Variants in EHD2 observed in about 807,000 individuals in gnomAD.
The protein encoded by EHD2 is EH domain-containing protein 2.
A neutral mutation model predicts 41.0 loss-of-function variants in EHD2; 27 were observed. That is an observed-to-expected ratio of 0.66 (90% CI 0.49 to 0.91). EHD2 has a LOEUF of 0.91. Among genes scored for constraint, EHD2 ranks in the 40% least tolerant of loss-of-function variants. EHD2 has a pLI of 0.00. For synonymous variants in EHD2, 342 were observed against 341.0 expected (o/e 1.00, Z -0.03); for missense variants, 673 against 773.9 (o/e 0.87, Z 1.55).
intron 3 of EHD2, among the ~76,000 whole-genome samples, chr19:47,721,346 ACT>A (rs1349272497): frequency 1.3e-5 from 2 of 150,060 alleles, no homozygotes; most frequent in African/African-American, 4.9e-5. Flanking sequence ...ATGGAGTCTT[ACT>A]CTGTCTTCCA....
At chr19:47,713,559 A>G (rs1973595655) in intron 1 of EHD2, 21 bp downstream of exon 1, 1 of 152,278 alleles carries the variant, frequency 6.6e-6, no homozygotes, top group Non-Finnish European at 1.5e-5. Context: ...CCAGCACCGC[A>G]GCTGTCGCCT....
At chr19:47,715,212 C>G (rs1477300290) in intron 1 of EHD2, among the ~76,000 whole-genome samples, 1 of 151,942 alleles carries the variant, frequency 6.6e-6, no homozygotes, top group Non-Finnish European at 1.5e-5. Flanking sequence ...TGTTAACACC[C>G]AACAGCCCTC....
At chr19:47,725,589 G>C (rs8111105) in intron 3 of EHD2, among the ~76,000 whole-genome samples, 2,996 of 152,232 alleles carry the variant, frequency 0.02, 93 homozygotes, top group African/African-American at 0.068. Flanking sequence ...TGGCTTGAGG[G>C]GCTGGGGCCA....
chr19:47,728,086 A>C (rs1973770301), intron 4 of EHD2, among the ~76,000 whole-genome samples: 1 of 122,268 alleles, frequency 8.2e-6, no homozygotes, highest in African/African-American at 3.5e-5. Context: ...ACAGAACGAG[A>C]CTCTGTCTCA....
At chr19:47,730,702 G>A (rs981780989) in intron 4 of EHD2, among the ~76,000 whole-genome samples, 1 of 152,098 alleles carries the variant, frequency 6.6e-6, no homozygotes, top group African/African-American at 2.4e-5. Flanking sequence ...TAAGTCCTTT[G>A]GCTGAAGTGA....
intron 3 of EHD2, among the ~76,000 whole-genome samples, chr19:47,720,435 T>G (rs1223485413): frequency 6.6e-6 from 1 of 152,114 alleles, no homozygotes; most frequent in African/African-American, 2.4e-5. Flanking sequence ...CCTCCCAAAG[T>G]GCTGGGATTA....
rs1168484288 is a variant in EHD2 at position 47,726,009 on chromosome 19, G to C, written c.700G>C (p.Gly234Arg). 1.2e-6 allele frequency: 2 copies of C among 1,605,742 alleles called. No homozygotes were observed. Among genetic ancestry groups the C allele is most frequent in the Admixed American group, 1.7e-5 (1 of 59,036 alleles). Reference protein sequence around the residue: ...VETQQLMRVYGALMWALGKVV... With the variant: ...VETQQLMRVYRALMWALGKVV... Reference sequence around the variant, plus strand: ...GACGCAGCAGCTGATGCGCGTCTACGGCGCGCTCATGTGGGCGCTGGGCAA... The same window carrying C: ...GACGCAGCAGCTGATGCGCGTCTACCGCGCGCTCATGTGGGCGCTGGGCAA... Residue 234 changes from glycine (G) to arginine (R), a missense_variant, in exon 4 of 6, where the codon GGC becomes CGC. By Grantham distance (125) the Gly-to-Arg change is moderately radical. Transcript: ENST00000263277.
intron 3 of EHD2, among the ~76,000 whole-genome samples, chr19:47,725,396 CA>C (rs10676405): frequency 0.13 from 9,941 of 73,940 alleles, 350 homozygotes; most frequent in Non-Finnish European, 0.15. Flanking sequence ...CATCTCTACT[CA>C]AAAAAAAAAA....
At position 47,736,438 on chromosome 19, in the gene EHD2, A is replaced by C. The variant is rs199923224; in HGVS notation, c.985A>C (p.Lys329Gln). ...TGTGTTTGGGAAGGAGAACAAGAAG[A>C]AGCAGCTGATCCTCAAACTGCCCGT... Reference protein sequence around the residue: ...PSVFGKENKKKQLILKLPVIF... With the variant: ...PSVFGKENKKQQLILKLPVIF... The change falls in exon 5 of 6, where the codon AAG (lysine) becomes CAG (glutamine). Residue 329 changes from lysine to glutamine, a missense_variant. Lys to Gln is a moderately conservative substitution (Grantham distance 53). Coordinates refer to ENST00000263277, the MANE Select transcript of EHD2 (RefSeq NM_014601.4). 150 of 1,613,358 alleles carry C rather than the reference A, an allele frequency of 9.3e-5. No individual in the cohort carries two copies. The highest frequency in any genetic ancestry group is 2.3e-4 in the Admixed American group (14 of 59,896).
intron 4 of EHD2, among the ~76,000 whole-genome samples, chr19:47,729,330 G>A (rs1360709071): frequency 6.6e-6 from 1 of 152,130 alleles, no homozygotes; most frequent in African/African-American, 2.4e-5. Flanking sequence ...GCTGTGTCCG[G>A]GAATCTGTGC....
At chr19:47,720,837 T>C (rs978292698) in intron 3 of EHD2, among the ~76,000 whole-genome samples, 3 of 151,906 alleles carry the variant, frequency 2.0e-5, no homozygotes, top group African/African-American at 7.3e-5. Context: ...CTGTGTGGTG[T>C]TGTGTATGTG....
Position 47,725,820 on chromosome 19 carries a change from T to TTC in EHD2, c.512_513dup (p.Pro172SerfsTer59). 6.3e-7 allele frequency: 1 copy of TTC among 1,581,306 alleles called. No individual in the cohort carries two copies. The highest frequency in any genetic ancestry group is 8.6e-7 in the Non-Finnish European group (1 of 1,157,382). The stretch of plus-strand genomic sequence containing the variant: ...CTCCACTCCCACTCCAGGCTACGAC[T>TTC]TCCCGGCCGTGCTGCGCTGGTTCGC... On this transcript the variant is annotated frameshift_variant, in exon 4 of 6. Coordinates refer to ENST00000263277, the MANE Select transcript of EHD2 (RefSeq NM_014601.4). LOFTEE classifies it high-confidence loss of function.
chr19:47,741,462 G>C lies in EHD2; in HGVS notation c.*30G>C. On this transcript the variant is annotated 3_prime_UTR_variant, in exon 6 of 6. Transcript: ENST00000263277. This position sits in a 1 kb window ranked among gnomAD's most constrained non-coding sequence, Gnocchi z 4.5. ...GCCCCCCTCCCATGGCCCTGCTGTG[G>C]CTCCCCAGCTCCAGTCGGCTGCACG... The C allele has an allele frequency of 2.6e-6, 4 of 1,539,038 alleles. No individual in the cohort carries two copies. The highest frequency in any genetic ancestry group is 2.6e-6 in the Non-Finnish European group (3 of 1,149,028).
At chr19:47,717,411 T>C (rs1022018547) in intron 2 of EHD2, among the ~76,000 whole-genome samples, 2 of 152,146 alleles carry the variant, frequency 1.3e-5, no homozygotes, top group Non-Finnish European at 2.9e-5. Flanking sequence ...GTCCCCTCCC[T>C]GACTGTGTTT....
At chr19:47,718,311 A>G (rs1012584382) in intron 2 of EHD2, among the ~76,000 whole-genome samples, 198 bp from the exon 3 acceptor site, 5 of 151,744 alleles carry the variant, frequency 3.3e-5, no homozygotes, top group Non-Finnish European at 7.4e-5. Context: ...ACCTGGCACA[A>G]ATTAAGTGCT....
At position 47,731,280 on chromosome 19, in the gene EHD2, A is replaced by AAAATATATATATATG. The variant is rs1491458646; in HGVS notation, c.915+5056_915+5057insAAATATATATATATG. On this transcript the variant is annotated intron_variant, in intron 4 of 5. Coordinates refer to ENST00000263277, the MANE Select transcript of EHD2 (RefSeq NM_014601.4). ...TTTGTGATTCTTTAAAAAAAAAAAAATATATATATATATATATATATACAT... is the reference window on the plus strand; with the variant it reads ...TTTGTGATTCTTTAAAAAAAAAAAAAAAATATATATATATGTATATATATATATATATATATACAT... 26 of 54,714 alleles carry AAAATATATATATATG rather than the reference A, an allele frequency of 4.8e-4. No individual in the cohort carries two copies. In the South Asian group the frequency reaches 6.2e-3, roughly 13 times the overall value. 3.4% of individuals were successfully genotyped at this position (54,714 alleles called of 1,614,324 possible).
intron 4 of EHD2, among the ~76,000 whole-genome samples, chr19:47,726,783 C>A (rs968603887): frequency 1.3e-5 from 2 of 152,058 alleles, no homozygotes; most frequent in African/African-American, 2.4e-5. Context: ...CTCAAGTGAT[C>A]CTTCCTCCTT....
In EHD2 at chr19:47,716,995, T is replaced by C. The variant is rs1973636168; in HGVS notation, c.383T>C (p.Phe128Ser). 6.2e-7 allele frequency: 1 copy of C among 1,600,936 alleles called. No homozygotes were observed. Among genetic ancestry groups the C allele is most frequent in the Non-Finnish European group, 8.5e-7 (1 of 1,179,906 alleles). ...AAGCCCTTCCGCAAACTCAACCCTT[T>C]CGGAAACACCTTCCTCAACAGGTGT... ...PDKPFRKLNP[F>S]GNTFLNRFMC... Residue 128 changes from phenylalanine (F) to serine (S), a missense_variant, in exon 2 of 6, where the codon TTC becomes TCC. By Grantham distance (155) the Phe-to-Ser change is radical. Coordinates refer to ENST00000263277, the MANE Select transcript of EHD2 (RefSeq NM_014601.4).
chr19:47,730,206 C>T (rs1435244527), intron 4 of EHD2, among the ~76,000 whole-genome samples: 1 of 151,994 alleles, frequency 6.6e-6, no homozygotes, highest in Non-Finnish European at 1.5e-5. Flanking sequence ...GCACCTTCCC[C>T]TGCTTCCTCT....
Sources: allele counts gnomAD v4.1 joint callset (sites outside exome capture counted in the v4.1 genomes callset), GRCh38; gene constraint gnomAD v4.1.1; non-coding constraint Gnocchi (gnomAD v3.1); transcripts MANE v1.5; gene names NCBI Gene and HGNC (gene_info 2026-07-23, HGNC 2026-07-21).